Variants in NSG1 observed in about 807,000 individuals in gnomAD.
NSG1 encodes the protein neuronal vesicle trafficking-associated protein 1.
NSG1 carries 9 observed loss-of-function variants against 19.3 expected under a neutral mutation model. The observed-to-expected ratio is 0.47, with a 90% CI of 0.28 to 0.81. NSG1 has a LOEUF of 0.81. NSG1 is among the 40% of genes least tolerant of loss of function. NSG1 has a pLI of 0.11. For synonymous variants in NSG1, 104 were observed against 107.0 expected, an observed-to-expected ratio of 0.97 and a Z score of 0.17; for missense variants, 236 against 242.4, an observed-to-expected ratio of 0.97 and a Z score of 0.18.
At chr4:4,396,545 C>G (rs572005586) in intron 3 of NSG1, among the ~76,000 whole-genome samples, 3 of 152,302 alleles carry the variant, frequency 2.0e-5, no homozygotes, top group Non-Finnish European at 4.4e-5. Context: ...GGCAGGAGAG[C>G]CCTCGTTAGT....
intron 3 of NSG1, among the ~76,000 whole-genome samples, chr4:4,406,604 C>T (rs1363646082): frequency 1.3e-5 from 2 of 152,104 alleles, no homozygotes; most frequent in African/African-American, 4.8e-5. Context: ...GCCAGGCGCA[C>T]ACCCCAGGGC....
rs1226633004 is a variant in NSG1 at position 4,417,952 on chromosome 4, A to G, written c.*517A>G. The G allele has an allele frequency of 5.9e-6, 1 of 169,450 alleles. No individual in the cohort carries two copies. Among genetic ancestry groups the G allele is most frequent in the Admixed American group, 5.8e-5 (1 of 17,162 alleles). The allele number at this position is 169,450 out of a possible 1,614,324, so 10.5% of individuals were successfully genotyped here. ...AGTAAGTGGCATAGAGAACGAGGAA[A>G]AAGACCCCCCCACCCCTCCCTGTGC... On this transcript the variant is annotated 3_prime_UTR_variant, in exon 5 of 5. Transcript: ENST00000621129.
rs1172682253 is a variant in NSG1 at position 4,406,217 on chromosome 4, C to CG, written c.247-3352dup. On this transcript the variant is annotated intron_variant, in intron 3 of 4. Transcript: ENST00000621129. Reference sequence around the variant, plus strand: ...TAATTTTTTATATTTTTAGTAGAGACGGGGTCTCACCATGCTGGCCAGGCT... The same window carrying CG: ...TAATTTTTTATATTTTTAGTAGAGACGGGGGTCTCACCATGCTGGCCAGGCT... Among the ~76,000 whole-genome samples, 5 of 152,154 alleles carry CG rather than the reference C, an allele frequency of 3.3e-5. No homozygotes were observed. The East Asian group carries it at 7.8e-4, about 24-fold the overall frequency.
chr4:4,417,029 C>G, intron 4 of NSG1, among the ~76,000 whole-genome samples: 1 of 152,178 alleles, frequency 6.6e-6, no homozygotes, highest in African/African-American at 2.4e-5. Context: ...ATGGCACTCA[C>G]CAGCCAGTCT....
At chr4:4,407,405 G>A (rs111346925) in intron 3 of NSG1, among the ~76,000 whole-genome samples, 5,619 of 152,194 alleles carry the variant, frequency 0.037, 170 homozygotes, top group Non-Finnish European at 0.059. Flanking sequence ...GAGGGCGGGC[G>A]GTGGGATGTA....
intron 2 of NSG1, among the ~76,000 whole-genome samples, chr4:4,390,419 G>A (rs6828063): frequency 0.69 from 105,235 of 152,120 alleles, 36,692 homozygotes; most frequent in Admixed American, 0.74. Context: ...TTTGGGGGTC[G>A]TAGCACCGGA....
chr4:4,415,476 CAGAA>C lies in NSG1; in HGVS notation c.358-1756_358-1753del, dbSNP rs754944736. ...GGTATGGGGGGCGGCAGGAGCCTCT[CAGAA>C]AGCCTTCCCTGGCCCATGTGGGCTC... is the stretch of plus-strand genomic sequence containing the variant. On this transcript the variant is annotated intron_variant, in intron 4 of 4. Transcript: ENST00000621129. 1.4e-4 allele frequency among the ~76,000 whole-genome samples: 22 copies of C among 152,262 alleles called. No homozygotes were observed. The Middle Eastern group carries it at 0.01, about 71-fold the overall frequency.
intron 4 of NSG1, among the ~76,000 whole-genome samples, chr4:4,416,735 T>C (rs1481426005): frequency 6.6e-6 from 1 of 151,878 alleles, no homozygotes; most frequent in Non-Finnish European, 1.5e-5. Flanking sequence ...TGGCTCTGTG[T>C]GCCTCTTCTG....
intron 3 of NSG1, among the ~76,000 whole-genome samples, chr4:4,394,657 A>C (rs912061260): frequency 1.3e-5 from 2 of 152,210 alleles, no homozygotes; most frequent in Non-Finnish European, 2.9e-5. Context: ...GAACTTACTC[A>C]TCAGCCGCTC....
intron 4 of NSG1, 36 bp downstream of exon 4, chr4:4,409,719 C>A: frequency 6.0e-6 from 9 of 1,488,708 alleles, no homozygotes; most frequent in Non-Finnish European, 8.4e-6. Flanking sequence ...CCCTGGGACG[C>A]CTTTGCACCC....
intron 3 of NSG1, among the ~76,000 whole-genome samples, chr4:4,398,865 A>G (rs1290410582): frequency 6.6e-6 from 1 of 152,154 alleles, no homozygotes; most frequent in Non-Finnish European, 1.5e-5. Context: ...GAGTTACCAA[A>G]CTTCTCCACA....
intron 2 of NSG1, among the ~76,000 whole-genome samples, chr4:4,388,111 G>C: frequency 6.6e-6 from 1 of 152,240 alleles, no homozygotes; most frequent in East Asian, 1.9e-4. Context: ...TCGGGGGTGA[G>C]CCTAGGGGCG....
intron 4 of NSG1, chr4:4,415,967 C>T (rs1014245015): frequency 3.8e-5 from 24 of 631,664 alleles, no homozygotes; most frequent in Admixed American, 7.3e-5. Context: ...AGGTGCTTCC[C>T]GACGTCCTGG....
At chr4:4,415,954 G>A (rs917320429) in intron 4 of NSG1, 1 of 626,136 alleles carries the variant, frequency 1.6e-6, no homozygotes, top group African/African-American at 1.8e-5. Context: ...TCTGTAGCGT[G>A]TCAGGTGCTT....
chr4:4,416,155 G>A, intron 4 of NSG1: 2 of 702,402 alleles, frequency 2.8e-6, no homozygotes, highest in Non-Finnish European at 5.2e-6. Flanking sequence ...CATTTTATAG[G>A]TGAGGGACCT....
chr4:4,408,444 A>C (rs1430439102), intron 3 of NSG1, among the ~76,000 whole-genome samples: 1 of 152,162 alleles, frequency 6.6e-6, no homozygotes, highest in African/African-American at 2.4e-5. Context: ...GGCCATCTGC[A>C]CGCTGTTTTA....
At chr4:4,403,731 T>A (rs778319583) in intron 3 of NSG1, among the ~76,000 whole-genome samples, 1 of 152,206 alleles carries the variant, frequency 6.6e-6, no homozygotes, top group Non-Finnish European at 1.5e-5. Context: ...TGAGCCTCAG[T>A]TTCCCCATTT....
chr4:4,395,799 G>A (rs1003090169), intron 3 of NSG1, among the ~76,000 whole-genome samples: 30 of 152,168 alleles, frequency 2.0e-4, no homozygotes, highest in Admixed American at 1.6e-3. Context: ...TCGCCTTTCC[G>A]ATCTTGAAGT....
At chr4:4,402,078 G>A (rs1016616033) in intron 3 of NSG1, among the ~76,000 whole-genome samples, 47 of 144,168 alleles carry the variant, frequency 3.3e-4, no homozygotes, top group Middle Eastern at 7.3e-3. Context: ...TGGCAGAAAT[G>A]AGTTATCCCT....
Sources: gnomAD v4.1 joint callset for allele counts (sites outside exome capture counted in the v4.1 genomes callset) on GRCh38, gnomAD v4.1.1 for gene constraint, MANE v1.5 for transcripts, NCBI Gene and HGNC (gene_info 2026-07-23, HGNC 2026-07-21) for gene names.